The following N4BP2 variants were observed in gnomAD, a reference collection of about 807,000 sequenced individuals.
N4BP2 encodes NEDD4 binding protein 2, also known as NEDD4-binding protein 2.
Under a neutral mutation model 152.8 loss-of-function variants are expected in N4BP2, and 91 were observed. That is an observed-to-expected ratio of 0.60 (90% CI 0.50 to 0.71). N4BP2 has a LOEUF of 0.71. Among genes scored for constraint, N4BP2 ranks in the 30% least tolerant of loss-of-function variants. N4BP2 has a pLI of 0.00. For synonymous variants in N4BP2, 646 were observed against 705.3 expected, an observed-to-expected ratio of 0.92 and a Z score of 1.33; for missense variants, 1,923 against 2,059.1, an observed-to-expected ratio of 0.93 and a Z score of 1.28.
In N4BP2 at chr4:40,120,320, TG is replaced by T; in HGVS notation, c.2210del (p.Cys737LeufsTer19). ...TCCSENNQEDCDLANSGPLQN... is the reference protein window; with the variant it reads ...TCCSENNQEDXDLANSGPLQN... The stretch of plus-strand genomic sequence containing the variant: ...CTGTAGTGAAAATAATCAAGAAGAC[TG>T]TGATCTTGCAAATAGTGGACCACTT... On this transcript the variant is annotated frameshift_variant, in exon 9 of 18. Coordinates refer to ENST00000261435, the MANE Select transcript of N4BP2 (RefSeq NM_018177.6). LOFTEE classifies it high-confidence loss of function. The T allele has an allele frequency of 6.2e-7, 1 of 1,612,810 alleles. No homozygotes were observed. Among genetic ancestry groups the T allele is most frequent in the Non-Finnish European group, 8.5e-7 (1 of 1,179,654 alleles).
chr4:40,141,678 A>T (rs1345529582), intron 14 of N4BP2, among the ~76,000 whole-genome samples: 28 of 152,010 alleles, frequency 1.8e-4, no homozygotes, highest in African/African-American at 6.5e-4. Flanking sequence ...CACTTCCCAG[A>T]CGGGGTGGCG....
chr4:40,070,019 G>C (rs2109895517), intron 1 of N4BP2, among the ~76,000 whole-genome samples: 1 of 152,246 alleles, frequency 6.6e-6, no homozygotes, highest in East Asian at 1.9e-4. Flanking sequence ...AAACATCTTA[G>C]AAGCAAACTA....
intron 3 of N4BP2, 140 bp from the exon 4 acceptor site, chr4:40,101,935 A>T: frequency 6.2e-6 from 3 of 480,510 alleles, no homozygotes; most frequent in Non-Finnish European, 1.0e-5. Context: ...TTAATTTTTT[A>T]AAAATAACAT....
intron 14 of N4BP2, 92 bp from the exon 15 acceptor site, chr4:40,142,581 G>A: frequency 1.3e-6 from 1 of 788,980 alleles, no homozygotes; most frequent in South Asian, 1.9e-5. Flanking sequence ...ATATACGACA[G>A]CCCAGTTTTC....
At chr4:40,130,429 C>G (rs752617024) in intron 12 of N4BP2, among the ~76,000 whole-genome samples, 2 of 152,152 alleles carry the variant, frequency 1.3e-5, no homozygotes, top group Non-Finnish European at 2.9e-5. Flanking sequence ...TCTTGTGGTT[C>G]CTCTTTTATT....
intron 11 of N4BP2, among the ~76,000 whole-genome samples, chr4:40,125,806 G>C (rs2110005306): frequency 6.7e-6 from 1 of 150,312 alleles, no homozygotes; most frequent in Non-Finnish European, 1.5e-5. Context: ...AGAATTGCTT[G>C]AACCTGGGAG....
intron 7 of N4BP2, among the ~76,000 whole-genome samples, chr4:40,114,448 C>T (rs962427035): frequency 2.6e-5 from 4 of 152,144 alleles, no homozygotes; most frequent in Non-Finnish European, 4.4e-5. Context: ...TTTCCTGTTG[C>T]GTATACTGCA....
chr4:40,060,839 A>G (rs1468806690), intron 1 of N4BP2, among the ~76,000 whole-genome samples: 1 of 152,110 alleles, frequency 6.6e-6, no homozygotes, highest in Non-Finnish European at 1.5e-5. Context: ...TTGTGGGCTC[A>G]AGCAGTCTTC....
At chr4:40,160,739 A>G (rs372393716), downstream of N4BP2, among the ~76,000 whole-genome samples, 2 of 152,210 alleles carry the variant, frequency 1.3e-5, no homozygotes, top group African/African-American at 2.4e-5. Flanking sequence ...TGAAAATACT[A>G]AACACACACT....
rs761314919 is a variant in N4BP2 at position 40,142,773 on chromosome 4, A to G, written c.4886A>G (p.His1629Arg). The change falls in exon 15 of 18, where the codon CAC (histidine) becomes CGC (arginine). Residue 1629 changes from histidine to arginine, a missense_variant. His to Arg is a conservative substitution (Grantham distance 29, BLOSUM62 0). Coordinates refer to ENST00000261435, the MANE Select transcript of N4BP2 (RefSeq NM_018177.6). The stretch of plus-strand genomic sequence containing the variant: ...GACTACAGAGCAGAGGCTTTCCTTC[A>G]CCAACAGAAGAGGATGGAGTGCTAC... Reference protein sequence around the residue: ...YDDYRAEAFLHQQKRMECYSK... With the variant: ...YDDYRAEAFLRQQKRMECYSK... 2 of 1,614,168 alleles carry G rather than the reference A, an allele frequency of 1.2e-6. No individual in the cohort carries two copies. The highest frequency in any genetic ancestry group is 1.7e-5 in the Admixed American group (1 of 60,024).
At chr4:40,082,442 C>G (rs183848132) in intron 2 of N4BP2, among the ~76,000 whole-genome samples, 18 of 152,142 alleles carry the variant, frequency 1.2e-4, no homozygotes, top group Admixed American at 5.2e-4. Flanking sequence ...AGAATCCAAA[C>G]AGACATTTAT....
chr4:40,079,557 T>C (rs1716831088), intron 2 of N4BP2, among the ~76,000 whole-genome samples: 1 of 152,172 alleles, frequency 6.6e-6, no homozygotes, highest in South Asian at 2.1e-4. Context: ...ATCATGTTTG[T>C]TCATTCTATT....
chr4:40,177,487 G>A, the N4BP2 span, among the ~76,000 whole-genome samples: 2,190 of 152,172 alleles, frequency 0.014, 43 homozygotes, highest in African/African-American at 0.05. Context: ...ATGGTGGCAG[G>A]TGCCTGTAAT....
intron 14 of N4BP2, among the ~76,000 whole-genome samples, chr4:40,138,042 A>G (rs1044424226): frequency 9.2e-5 from 14 of 152,168 alleles, no homozygotes; most frequent in African/African-American, 3.4e-4. Flanking sequence ...GTGAGAATGG[A>G]TGGAGATGAG....
At chr4:40,100,507 A>G (rs369489376) in intron 3 of N4BP2, among the ~76,000 whole-genome samples, 25 of 151,834 alleles carry the variant, frequency 1.6e-4, no homozygotes, top group South Asian at 8.3e-4. Context: ...TCAGCCTCCT[A>G]TGTGGCTGGT....
At chr4:40,131,753 A>G (rs1718922506) in intron 12 of N4BP2, 48 bp from the exon 13 acceptor site, 2 of 1,341,742 alleles carry the variant, frequency 1.5e-6, no homozygotes, top group African/African-American at 2.9e-5. Context: ...CAGTGTTTCT[A>G]GTATTACACA....
chr4:40,134,611 TC>T (rs1312996112), intron 13 of N4BP2, among the ~76,000 whole-genome samples: 2 of 152,142 alleles, frequency 1.3e-5, no homozygotes, highest in African/African-American at 4.8e-5. Context: ...GAGACTGACT[TC>T]CAGCAGGTGA....
intron 5 of N4BP2, among the ~76,000 whole-genome samples, chr4:40,111,221 C>A (rs1270319873): frequency 6.6e-6 from 1 of 152,152 alleles, no homozygotes; most frequent in East Asian, 1.9e-4. Context: ...ATACATTTGT[C>A]AAAACTAAGA....
intron 14 of N4BP2, among the ~76,000 whole-genome samples, chr4:40,139,560 C>T (rs1232928439): frequency 4.1e-5 from 6 of 146,728 alleles, no homozygotes; most frequent in Middle Eastern, 3.4e-3. Flanking sequence ...GGCGCGATCT[C>T]GGCTCACTGC....
Sources: allele counts gnomAD v4.1 joint callset (sites outside exome capture counted in the v4.1 genomes callset), GRCh38; gene constraint gnomAD v4.1.1; transcripts MANE v1.5; gene names NCBI Gene and HGNC (gene_info 2026-07-23, HGNC 2026-07-21).